Variants in PLXNB1 observed in about 807,000 individuals in gnomAD.
The protein encoded by PLXNB1 is plexin-B1.
Under a neutral mutation model 209.4 loss-of-function variants are expected in PLXNB1, and 106 were observed. That is an observed-to-expected ratio of 0.51 (90% CI 0.43 to 0.59). The LOEUF is 0.59. PLXNB1 is among the 20% of genes least tolerant of loss of function. PLXNB1 has a pLI of 0.00. For synonymous variants in PLXNB1, 1,167 were observed against 1,183.2 expected (o/e 0.99, Z 0.28); for missense variants, 2,357 against 2,853.2 (o/e 0.83, Z 3.96).
chr3:48,420,713 G>A lies in PLXNB1; in HGVS notation c.1980C>T (p.Cys660=), dbSNP rs746747930. The A allele has an allele frequency of 1.1e-5, 17 of 1,613,960 alleles. No homozygotes were observed. Among genetic ancestry groups the A allele is most frequent in the African/African-American group, 6.7e-5 (5 of 74,932 alleles). ...CAGCATCACACGAGGCCTTGTGGGT[G>A]CACAGGTGCTGCCAGACACACCAGT... is the stretch of plus-strand genomic sequence containing the variant. ...GCNWCVWQHL[C]THKASCDAGP... The change falls in exon 10 of 38, where the codon TGC becomes TGT. Residue 660 remains cysteine, a synonymous_variant. Transcript: ENST00000296440.
At position 48,424,238 on chromosome 3, in the gene PLXNB1, C is replaced by T. The variant is rs751318560; in HGVS notation, c.374G>A (p.Gly125Glu). The change falls in exon 3 of 38, where the codon GGG becomes GAG. Residue 125 changes from glycine (G) to glutamate (E), a missense_variant. Physicochemically the swap from Gly to Glu is moderately conservative, Grantham distance 98. Transcript: ENST00000296440. ...CCGCAGCAGCAGCTGCTCGAGCTGC[C>T]CCAGGCGCCGCTGTTCACAGACCCC... ...HQGVCEQRRL[G>E]QLEQLLLRPE... 1.2e-5 allele frequency: 20 copies of T among 1,602,370 alleles called. No individual in the cohort carries two copies. In the African/African-American group the frequency reaches 2.0e-4, roughly 16 times the overall value.
rs1471150899 is a variant in PLXNB1, at chr3:48,421,674, C to T, written c.1653G>A (p.Glu551=). 1 of 1,596,928 alleles carries T rather than the reference C, an allele frequency of 6.3e-7. No homozygotes were observed. The change falls in exon 7 of 38, where the codon GAG becomes GAA. Residue 551 remains glutamate (E), a splice_region_variant and synonymous_variant. Transcript: ENST00000296440. ...PANISREETR[E]VFLSVPDLPP... ...GGGCCCTGCCTATCTGATCATTCAC[C>T]TCCCTCGTCTCCTCTCGGCTGATGT...
chr3:48,412,075 C>T (rs1239493825), intron 27 of PLXNB1, 66 bp from the exon 28 acceptor site: 1 of 1,574,598 alleles, frequency 6.4e-7, no homozygotes, highest in Non-Finnish European at 8.7e-7. Flanking sequence ...ATGACGCACA[C>T]TGGGGAAGGG....
chr3:48,421,073 A>G, intron 8 of PLXNB1, 117 bp from the exon 9 acceptor site: 2 of 1,263,268 alleles, frequency 1.6e-6, no homozygotes, highest in South Asian at 1.3e-5. Context: ...ATACAGTCCA[A>G]GGGCACAGAA....
chr3:48,421,170 A>C, intron 8 of PLXNB1, 58 bp downstream of exon 8: 2 of 1,569,406 alleles, frequency 1.3e-6, no homozygotes, highest in East Asian at 4.5e-5. Context: ...CTTTAACCCC[A>C]CCGCATCCCC....
In PLXNB1 at chr3:48,411,765, A is replaced by C; in HGVS notation, c.5247+98T>G. 7.3e-7 allele frequency: 1 copy of C among 1,369,894 alleles called. No individual in the cohort carries two copies. The highest frequency in any genetic ancestry group is 1.3e-5 in the South Asian group (1 of 76,020). The allele number at this position is 1,369,894 out of a possible 1,614,324, so 84.9% of individuals were successfully genotyped here. On this transcript the variant is annotated intron_variant, in intron 28 of 37. Transcript: ENST00000296440. This position sits in a 1 kb window ranked among gnomAD's most constrained non-coding sequence, Gnocchi z 4.0. ...CAACCCAGCTCTACATCCAGGTACC[A>C]CATCAGAAGCTGGTGTCCAGACCCC...
Position 48,411,937 on chromosome 3 carries a change from T to G in PLXNB1, c.5173A>C (p.Ser1725Arg). ...GTGTATTTGGCCTTGCCTGTCACACTGTCCACTGGCCCCTTATCCACTTGG... is the reference window on the plus strand; with the variant it reads ...GTGTATTTGGCCTTGCCTGTCACACGGTCCACTGGCCCCTTATCCACTTGG... ...KHQVDKGPVDSVTGKAKYTLN... is the reference protein window; with the variant it reads ...KHQVDKGPVDRVTGKAKYTLN... Residue 1725 changes from serine to arginine, a missense_variant, in exon 28 of 38, where the codon AGT becomes CGT. By Grantham distance (110) the Ser-to-Arg change is moderately radical. Coordinates refer to ENST00000296440, the MANE Select transcript of PLXNB1 (RefSeq NM_001130082.3). This position sits in a 1 kb window ranked among gnomAD's most constrained non-coding sequence, Gnocchi z 4.0. 6.2e-7 allele frequency: 1 copy of G among 1,614,190 alleles called. No individual in the cohort carries two copies. The highest frequency in any genetic ancestry group is 1.6e-4 in the Middle Eastern group (1 of 6,062).
At position 48,414,302 on chromosome 3, in the gene PLXNB1, C is replaced by T. The variant is rs534043898; in HGVS notation, c.4210-231G>A. 8.5e-5 allele frequency among the ~76,000 whole-genome samples: 13 copies of T among 152,304 alleles called. No homozygotes were observed. The East Asian group carries it at 2.5e-3, about 29-fold the overall frequency. On this transcript the variant is annotated intron_variant, in intron 21 of 37. Coordinates refer to ENST00000296440, the MANE Select transcript of PLXNB1 (RefSeq NM_001130082.3). ...AACGAAAAATCTGGAGAACATAAAG[C>T]TGCCTCCCAAATCCTGCCCAGCTAC...
intron 34 of PLXNB1, among the ~76,000 whole-genome samples, chr3:48,407,600 G>A (rs2037392325): frequency 6.6e-6 from 1 of 152,176 alleles, no homozygotes; most frequent in Non-Finnish European, 1.5e-5. Flanking sequence ...ATGGGCTCTG[G>A]GCAGCATACT....
Position 48,405,776 on chromosome 3 carries a change from G to A in PLXNB1, c.6251C>T (p.Ala2084Val), listed in dbSNP as rs1246770280. 5 of 1,613,488 alleles carry A rather than the reference G, an allele frequency of 3.1e-6. No individual in the cohort carries two copies. Among genetic ancestry groups the A allele is most frequent in the Non-Finnish European group, 4.2e-6 (5 of 1,179,778 alleles). ...LSWNYSGDLGARVALHELYKY... is the reference protein window; with the variant it reads ...LSWNYSGDLGVRVALHELYKY... ...GTAGAGTTCATGCAGGGCCACTCGC[G>A]CCCCGAGGTCTCCGGAGTAGTTCTA... The change falls in exon 37 of 38, where the codon GCG becomes GTG. Residue 2084 changes from alanine (A) to valine (V), a missense_variant. Ala to Val is a moderately conservative substitution (Grantham distance 64). Around this residue, in one of 7 missense-constraint regions of PLXNB1, gnomAD observed 414 missense variants for 520.5 expected, o/e 0.80. Transcript: ENST00000296440. The surrounding 1 kb of genome is among the most constrained non-coding windows in gnomAD (Gnocchi z 5.0).
rs2037737648 is a variant in PLXNB1, at chr3:48,412,292, C to T, written c.5046G>A (p.Val1682=). The T allele has an allele frequency of 3.1e-6, 5 of 1,614,098 alleles. No homozygotes were observed. Among genetic ancestry groups the T allele is most frequent in the Non-Finnish European group, 3.4e-6 (4 of 1,180,022 alleles). Residue 1682 remains valine, a synonymous_variant, in exon 27 of 38, where the codon GTG becomes GTA. Coordinates refer to ENST00000296440, the MANE Select transcript of PLXNB1 (RefSeq NM_001130082.3). ...TCCAGTTGGTGAGCAGCTTCTCCACCACAGTCTCTGTCCTGAGATGATGGG... is the reference window on the plus strand; with the variant it reads ...TCCAGTTGGTGAGCAGCTTCTCCACTACAGTCTCTGTCCTGAGATGATGGG... ...PKLMLRRTET[V]VEKLLTNWMS...
In PLXNB1 at chr3:48,418,882, G is replaced by A. The variant is rs1263815587; in HGVS notation, c.2955+35C>T. 2 of 1,612,294 alleles carry A rather than the reference G, an allele frequency of 1.2e-6. No individual in the cohort carries two copies. The highest frequency in any genetic ancestry group is 1.3e-5 in the African/African-American group (1 of 74,898). On this transcript the variant is annotated intron_variant, in intron 13 of 37. Transcript: ENST00000296440. The surrounding 1 kb of genome is among the most constrained non-coding windows in gnomAD (Gnocchi z 6.6). The stretch of plus-strand genomic sequence containing the variant: ...GCAGCCAGCCTGTGGCCAGTGCAGT[G>A]CACCCGTGCCCACCCAGGCGCTCAT...
chr3:48,404,402 C>A lies in PLXNB1; in HGVS notation c.*84G>T, dbSNP rs1461206836. The A allele has an allele frequency of 2.5e-6, 2 of 793,374 alleles. No homozygotes were observed. 49.1% of individuals were successfully genotyped at this position (793,374 alleles called of 1,614,324 possible). A position where few individuals can be genotyped will look rare whatever the true frequency, so the allele number is the denominator to read the frequency against. On this transcript the variant is annotated 3_prime_UTR_variant, in exon 38 of 38. Transcript: ENST00000296440. ...AACTCTGCTTGTCAGTCACTACAGGCACCTAAGAAGGTGGCCTCTCCTCCG... is the reference window on the plus strand; with the variant it reads ...AACTCTGCTTGTCAGTCACTACAGGAACCTAAGAAGGTGGCCTCTCCTCCG...
chr3:48,424,766 A>G (rs2038795611), intron 2 of PLXNB1, 149 bp from the exon 3 acceptor site: 1 of 782,574 alleles, frequency 1.3e-6, no homozygotes, highest in Admixed American at 2.9e-5. Flanking sequence ...TTAGATAGGC[A>G]CTATGTCCAG....
chr3:48,415,478 A>T lies in PLXNB1; in HGVS notation c.3794+105T>A. On this transcript the variant is annotated intron_variant, in intron 19 of 37. Coordinates refer to ENST00000296440, the MANE Select transcript of PLXNB1 (RefSeq NM_001130082.3). This position sits in a 1 kb window ranked among gnomAD's most constrained non-coding sequence, Gnocchi z 5.0. Reference sequence around the variant, plus strand: ...ACGACCCCTTGCCCCTACTAGCAGCATGGGATTCTCAGTGCCTCAACATAA... The same window carrying T: ...ACGACCCCTTGCCCCTACTAGCAGCTTGGGATTCTCAGTGCCTCAACATAA... The T allele has an allele frequency of 1.4e-6, 2 of 1,417,366 alleles. No homozygotes were observed. Among genetic ancestry groups the T allele is most frequent in the Non-Finnish European group, 1.9e-6 (2 of 1,041,572 alleles). 87.8% of individuals were successfully genotyped at this position (1,417,366 alleles called of 1,614,324 possible).
intron 34 of PLXNB1, 55 bp from the exon 35 acceptor site, chr3:48,407,146 G>A: frequency 1.3e-6 from 2 of 1,501,850 alleles, no homozygotes; most frequent in South Asian, 2.3e-5. Flanking sequence ...GAGGGTCCCT[G>A]TTCGAGTGAT....
Position 48,406,817 on chromosome 3 carries a change from C to A in PLXNB1, c.6228+6G>T. On this transcript the variant is annotated splice_donor_region_variant and intron_variant, in intron 36 of 37. Coordinates refer to ENST00000296440, the MANE Select transcript of PLXNB1 (RefSeq NM_001130082.3). The surrounding 1 kb of genome is among the most constrained non-coding windows in gnomAD (Gnocchi z 4.4). The stretch of plus-strand genomic sequence containing the variant: ...GCCCAACCCAAGAAGCAGAGGGAGG[C>A]CTTACCCAGGACAGTTCAGCCAGGA... The A allele has an allele frequency of 6.2e-7, 1 of 1,601,152 alleles. No individual in the cohort carries two copies. The highest frequency in any genetic ancestry group is 8.5e-7 in the Non-Finnish European group (1 of 1,173,746).
chr3:48,421,463 G>A, intron 7 of PLXNB1, 79 bp from the exon 8 acceptor site: 1 of 1,444,868 alleles, frequency 6.9e-7, no homozygotes, highest in Admixed American at 2.3e-5. Flanking sequence ...CACCCAATGT[G>A]GGCAGGCACC....
intron 21 of PLXNB1, 28 bp downstream of exon 21, chr3:48,414,771 C>A: frequency 6.2e-7 from 1 of 1,605,612 alleles, no homozygotes; most frequent in Non-Finnish European, 8.5e-7. Context: ...GGTCTCGGGG[C>A]CCTGCCAGGT....
Sources: gnomAD v4.1 joint callset for allele counts (sites outside exome capture counted in the v4.1 genomes callset) on GRCh38, gnomAD v4.1.1 for gene constraint, gnomAD v4.1.1 regional missense constraint, Gnocchi (gnomAD v3.1) non-coding constraint, MANE v1.5 for transcripts, NCBI Gene and HGNC (gene_info 2026-07-23, HGNC 2026-07-21) for gene names.